The following HSBP1 variants were observed in gnomAD, a reference collection of about 807,000 sequenced individuals.
HSBP1 encodes the protein heat shock factor binding protein 1, also known as heat shock factor-binding protein 1.
Under a neutral mutation model 9.6 loss-of-function variants are expected in HSBP1, and 5 were observed. The observed-to-expected ratio is 0.52, with a 90% CI of 0.27 to 1.09. The LOEUF (loss-of-function observed/expected upper bound fraction) is 1.09, where lower values mean the gene tolerates loss of function less well. Among genes scored for constraint, HSBP1 ranks in the 50% least tolerant of loss-of-function variants. The probability of loss-of-function intolerance (pLI) is 0.11; values close to 1 mark genes in which losing one functional copy is unlikely to be tolerated. For synonymous variants in HSBP1, 42 were observed against 33.3 expected, an observed-to-expected ratio of 1.26 and a Z score of -0.90; for missense variants, 121 against 96.3, an observed-to-expected ratio of 1.26 and a Z score of -1.07.
chr16:83,809,900 T>C (rs553940820), intron 3 of HSBP1, among the ~76,000 whole-genome samples: 1 of 152,264 alleles, frequency 6.6e-6, no homozygotes, highest in Non-Finnish European at 1.5e-5. Context: ...GCTGTGGACT[T>C]GATGTTTTGA....
intron 2 of HSBP1, 153 bp from the exon 3 acceptor site, chr16:83,809,152 T>C: frequency 3.3e-6 from 2 of 611,658 alleles, no homozygotes; most frequent in Non-Finnish European, 5.8e-6. Context: ...TGCCCCACAG[T>C]CCTGTACTCT....
rs912663097 is a variant in HSBP1, at chr16:83,808,372, G to T, written c.45+251G>T. 2.9e-5 allele frequency: 16 copies of T among 548,520 alleles called. No homozygotes were observed. The African/African-American group carries it at 3.0e-4, about 10-fold the overall frequency. 34.0% of individuals were successfully genotyped at this position (548,520 alleles called of 1,614,324 possible). A position where few individuals can be genotyped will look rare whatever the true frequency, so the allele number is the denominator to read the frequency against. On this transcript the variant is annotated intron_variant, in intron 1 of 3. Coordinates refer to ENST00000433866, the MANE Select transcript of HSBP1 (RefSeq NM_001537.4). Reference sequence around the variant, plus strand: ...CATTCATCTGTCGCGAACGCCCTCCGGGTCCCTCCCGCCTACCTCTGACAC... The same window carrying T: ...CATTCATCTGTCGCGAACGCCCTCCTGGTCCCTCCCGCCTACCTCTGACAC...
In HSBP1 at chr16:83,814,507, C is replaced by G. The variant is rs1904675098; in HGVS notation, c.*3089C>G. On this transcript the variant is annotated 3_prime_UTR_variant, in exon 4 of 4. Transcript: ENST00000433866. ...ACCGCTCACGAGCACAGCTGACCGT[C>G]TCACAGCTGCACACCTGCACTGCTC... 1 of 152,564 alleles carries G rather than the reference C, an allele frequency of 6.6e-6. No individual in the cohort carries two copies. 9.5% of individuals were successfully genotyped at this position (152,564 alleles called of 1,614,324 possible). A position where few individuals can be genotyped will look rare whatever the true frequency, so the allele number is the denominator to read the frequency against.
intron 2 of HSBP1, chr16:83,809,045 G>A (rs1177968041): frequency 5.5e-6 from 3 of 548,454 alleles, no homozygotes; most frequent in Non-Finnish European, 9.7e-6. Flanking sequence ...CTTATGAGTG[G>A]GTTGTAGTGT....
intron 3 of HSBP1, among the ~76,000 whole-genome samples, chr16:83,810,342 G>A (rs2151030661): frequency 6.6e-6 from 1 of 152,152 alleles, no homozygotes; most frequent in South Asian, 2.1e-4. Flanking sequence ...ACTCAGCAGA[G>A]TGCATGGTGA....
At chr16:83,808,607 G>A in intron 1 of HSBP1, 73 bp from the exon 2 acceptor site, 1 of 1,210,956 alleles carries the variant, frequency 8.3e-7, no homozygotes, top group Non-Finnish European at 1.2e-6. Flanking sequence ...CGGGACCAGG[G>A]CTTGCGTCCT....
In HSBP1 at chr16:83,819,168, C is replaced by A. The variant is rs1002279884; in HGVS notation, c.*7750C>A. 4 of 151,808 alleles carry A rather than the reference C, an allele frequency of 2.6e-5. No homozygotes were observed. Among genetic ancestry groups the A allele is most frequent in the African/African-American group, 9.7e-5 (4 of 41,294 alleles). 9.4% of individuals were successfully genotyped at this position (151,808 alleles called of 1,614,324 possible). A position where few individuals can be genotyped will look rare whatever the true frequency, so the allele number is the denominator to read the frequency against. On this transcript the variant is annotated 3_prime_UTR_variant, in exon 4 of 4. Transcript: ENST00000433866. ...GGTCAAATATGTCTAAACCAAGAAGCCCCATGGGGCACTGATTAGCATGCA... is the reference window on the plus strand; with the variant it reads ...GGTCAAATATGTCTAAACCAAGAAGACCCATGGGGCACTGATTAGCATGCA...
rs1453935724 is a variant in HSBP1, at chr16:83,813,700, G to A, written c.*2282G>A. 4.6e-5 allele frequency: 7 copies of A among 152,184 alleles called. No individual in the cohort carries two copies. Among genetic ancestry groups the A allele is most frequent in the African/African-American group, 1.7e-4 (7 of 41,422 alleles). 9.4% of individuals were successfully genotyped at this position (152,184 alleles called of 1,614,324 possible). ...ACCAGCCAGTGAAGATTCTCTTGAG[G>A]GCTGAACAATACAGATGAGTATGGG... On this transcript the variant is annotated 3_prime_UTR_variant, in exon 4 of 4. Coordinates refer to ENST00000433866, the MANE Select transcript of HSBP1 (RefSeq NM_001537.4).
rs910044547 is a variant in HSBP1 at position 83,818,528 on chromosome 16, T to G, written c.*7110T>G. 1.3e-5 allele frequency: 2 copies of G among 152,232 alleles called. No individual in the cohort carries two copies. The highest frequency in any genetic ancestry group is 4.8e-5 in the African/African-American group (2 of 41,470). The allele number at this position is 152,232 out of a possible 1,614,324, so 9.4% of individuals were successfully genotyped here. A position where few individuals can be genotyped will look rare whatever the true frequency, so the allele number is the denominator to read the frequency against. ...AGAACTTGAAGAATCCCTTTTATCC[T>G]AACGCTGACTAATAAACTGGTGAGA... On this transcript the variant is annotated 3_prime_UTR_variant, in exon 4 of 4. Coordinates refer to ENST00000433866, the MANE Select transcript of HSBP1 (RefSeq NM_001537.4).
rs891898762 is a variant in HSBP1, at chr16:83,817,554, T to A, written c.*6136T>A. ...CCAGCTGGAATTCATCTCCCTCTAA[T>A]CAGCCTTCAAAACCTCCATTTGTAA... On this transcript the variant is annotated 3_prime_UTR_variant, in exon 4 of 4. Coordinates refer to ENST00000433866, the MANE Select transcript of HSBP1 (RefSeq NM_001537.4). 1.3e-5 allele frequency: 2 copies of A among 152,246 alleles called. No individual in the cohort carries two copies. The highest frequency in any genetic ancestry group is 2.9e-5 in the Non-Finnish European group (2 of 68,056). The allele number at this position is 152,246 out of a possible 1,614,324, so 9.4% of individuals were successfully genotyped here. A position where few individuals can be genotyped will look rare whatever the true frequency, so the allele number is the denominator to read the frequency against.
chr16:83,819,308 C>T lies in HSBP1; in HGVS notation c.*7890C>T, dbSNP rs1050934632. ...TTATTTTTGTGTCTTATTTCCCATA[C>T]ACAAAAACACTGCGTAGAGAAATGG... On this transcript the variant is annotated 3_prime_UTR_variant, in exon 4 of 4. Transcript: ENST00000433866. 1 of 152,104 alleles carries T rather than the reference C, an allele frequency of 6.6e-6. No homozygotes were observed. Among genetic ancestry groups the T allele is most frequent in the African/African-American group, 2.4e-5 (1 of 41,424 alleles). 9.4% of individuals were successfully genotyped at this position (152,104 alleles called of 1,614,324 possible).
chr16:83,808,339 A>G (rs997735445), intron 1 of HSBP1: 3 of 552,584 alleles, frequency 5.4e-6, no homozygotes, highest in Non-Finnish European at 9.5e-6. Flanking sequence ...GACCCCTTCC[A>G]GTAGCCCCAT....
In HSBP1 at chr16:83,813,640, T is replaced by C. The variant is rs2151031542; in HGVS notation, c.*2222T>C. ...GTCCAAGGGTCTTTTTTATACTATATGAAGTATTCCTTCTCCAGCTATTCT... is the reference window on the plus strand; with the variant it reads ...GTCCAAGGGTCTTTTTTATACTATACGAAGTATTCCTTCTCCAGCTATTCT... On this transcript the variant is annotated 3_prime_UTR_variant, in exon 4 of 4. Coordinates refer to ENST00000433866, the MANE Select transcript of HSBP1 (RefSeq NM_001537.4). 1 of 152,370 alleles carries C rather than the reference T, an allele frequency of 6.6e-6. No individual in the cohort carries two copies. The highest frequency in any genetic ancestry group is 1.9e-4 in the East Asian group (1 of 5,180). The allele number at this position is 152,370 out of a possible 1,614,324, so 9.4% of individuals were successfully genotyped here. A position where few individuals can be genotyped will look rare whatever the true frequency, so the allele number is the denominator to read the frequency against.
In HSBP1 at chr16:83,808,116, T is replaced by A; in HGVS notation, c.40T>A (p.Ser14Thr). The part of the protein sequence containing the change: ...TDPKTVQDLT[S>T]VVQTLLQQMQ... ...CCCCAAGACCGTGCAGGACCTCACC[T>A]CGGTGGTAAGGGACGGCTGTGAGGG... Residue 14 changes from serine to threonine, a missense_variant, in exon 1 of 4, where the codon TCG becomes ACG. Coordinates refer to ENST00000433866, the MANE Select transcript of HSBP1 (RefSeq NM_001537.4). 1 of 1,546,446 alleles carries A rather than the reference T, an allele frequency of 6.5e-7. No homozygotes were observed. The highest frequency in any genetic ancestry group is 8.7e-7 in the Non-Finnish European group (1 of 1,144,670).
chr16:83,809,070 A>G (rs563632458), intron 2 of HSBP1: 18 of 544,362 alleles, frequency 3.3e-5, no homozygotes, highest in East Asian at 2.7e-4. Context: ...ATCTTTAGCA[A>G]ATGAATAAAT....
chr16:83,808,525 C>A, intron 1 of HSBP1, 155 bp from the exon 2 acceptor site: 1 of 612,392 alleles, frequency 1.6e-6, no homozygotes, highest in South Asian at 2.0e-5. Flanking sequence ...GGTTGGAAAA[C>A]GGAAGCCCAG....
rs1189073593 is a variant in HSBP1 at position 83,818,030 on chromosome 16, A to T, written c.*6612A>T. The T allele has an allele frequency of 1.3e-5, 2 of 152,206 alleles. No individual in the cohort carries two copies. The highest frequency in any genetic ancestry group is 2.4e-5 in the African/African-American group (1 of 41,454). The allele number at this position is 152,206 out of a possible 1,614,324, so 9.4% of individuals were successfully genotyped here. On this transcript the variant is annotated 3_prime_UTR_variant, in exon 4 of 4. Coordinates refer to ENST00000433866, the MANE Select transcript of HSBP1 (RefSeq NM_001537.4). Reference sequence around the variant, plus strand: ...CTGGGGCCATAATTAAGAATCTTAAAGGGAAAGAATGTTTTGAAAGCCATC... The same window carrying T: ...CTGGGGCCATAATTAAGAATCTTAATGGGAAAGAATGTTTTGAAAGCCATC...
In HSBP1 at chr16:83,815,978, A is replaced by G. The variant is rs1484596143; in HGVS notation, c.*4560A>G. ...CTGGATTCAGGATCCAGCAGCTTAG[A>G]AGCGTTTAGCTACCAATAGCAAAAA... On this transcript the variant is annotated 3_prime_UTR_variant, in exon 4 of 4. Coordinates refer to ENST00000433866, the MANE Select transcript of HSBP1 (RefSeq NM_001537.4). 3.3e-5 allele frequency: 5 copies of G among 152,224 alleles called. No individual in the cohort carries two copies. The highest frequency in any genetic ancestry group is 5.9e-5 in the Non-Finnish European group (4 of 68,048). The allele number at this position is 152,224 out of a possible 1,614,324, so 9.4% of individuals were successfully genotyped here.
chr16:83,808,114 C>T lies in HSBP1; in HGVS notation c.38C>T (p.Thr13Ile), dbSNP rs1271206508. 4 of 1,546,594 alleles carry T rather than the reference C, an allele frequency of 2.6e-6. No homozygotes were observed. The highest frequency in any genetic ancestry group is 3.5e-6 in the Non-Finnish European group (4 of 1,144,748). Residue 13 changes from threonine (T) to isoleucine (I), a missense_variant, in exon 1 of 4, where the codon ACC becomes ATC. By Grantham distance (89) the Thr-to-Ile change is moderately conservative (BLOSUM62 -1). Coordinates refer to ENST00000433866, the MANE Select transcript of HSBP1 (RefSeq NM_001537.4). ...ETDPKTVQDL[T>I]SVVQTLLQQM... ...GACCCCAAGACCGTGCAGGACCTCA[C>T]CTCGGTGGTAAGGGACGGCTGTGAG...
Sources: allele counts gnomAD v4.1 joint callset (sites outside exome capture counted in the v4.1 genomes callset), GRCh38; gene constraint gnomAD v4.1.1; transcripts MANE v1.5; gene names NCBI Gene and HGNC (gene_info 2026-07-23, HGNC 2026-07-21).